The following RBMS3 variants were observed in gnomAD, a reference collection of about 807,000 sequenced individuals.
The protein encoded by RBMS3 is RNA-binding motif, single-stranded-interacting protein 3.
RBMS3 carries 27 observed loss-of-function variants against 66.8 expected under a neutral mutation model. The observed-to-expected ratio is 0.40, with a 90% CI of 0.30 to 0.56. The LOEUF (loss-of-function observed/expected upper bound fraction) is 0.56. RBMS3 is among the 20% of genes least tolerant of loss of function. The pLI is 0.40. For synonymous variants in RBMS3, 188 were observed against 183.0 expected (o/e 1.03, Z -0.22); for missense variants, 513 against 549.5 (o/e 0.93, Z 0.66).
intron 1 of RBMS3, among the ~76,000 whole-genome samples, chr3:29,282,028 T>A (rs1236544309): frequency 1.3e-5 from 2 of 152,192 alleles, no homozygotes; most frequent in African/African-American, 4.8e-5. Context: ...TAAATGGTCC[T>A]GATATCAGGA....
At chr3:29,345,958 C>G (rs2036546110) in intron 1 of RBMS3, among the ~76,000 whole-genome samples, 1 of 152,184 alleles carries the variant, frequency 6.6e-6, no homozygotes, top group African/African-American at 2.4e-5. Context: ...CAATGTCATT[C>G]TTCTTTTATC....
chr3:29,406,361 A>T (rs2040016763), intron 1 of RBMS3, among the ~76,000 whole-genome samples: 1 of 152,210 alleles, frequency 6.6e-6, no homozygotes, highest in South Asian at 2.1e-4. Flanking sequence ...GAGATTATTA[A>T]AAATGAAATC....
Position 29,530,871 on chromosome 3 carries a change from C to CA in RBMS3, c.307+42387dup, listed in dbSNP as rs5847575. On this transcript the variant is annotated intron_variant, in intron 3 of 14. Coordinates refer to ENST00000383767, the MANE Select transcript of RBMS3 (RefSeq NM_001003793.3). ...TGGGTGACAGTGCAAGATTCCATCT[C>CA]AAAAAAAAAAAAAAAGTGTTTCAAT... is the stretch of plus-strand genomic sequence containing the variant. Among the ~76,000 whole-genome samples the CA allele has an allele frequency of 9.2e-3, 977 of 106,700 alleles. 2 individuals are homozygous for CA. Among genetic ancestry groups the CA allele is most frequent in the South Asian group, 0.015 (49 of 3,240 alleles). The allele number at this position is 106,700 out of a possible 152,430, so 70.0% of individuals were successfully genotyped here.
intron 1 of RBMS3, among the ~76,000 whole-genome samples, chr3:29,419,917 T>C (rs2040632507): frequency 6.6e-6 from 1 of 152,194 alleles, no homozygotes; most frequent in Non-Finnish European, 1.5e-5. Flanking sequence ...TCATTACTAT[T>C]GTAGTTCATG....
At chr3:29,293,180 A>G (rs2032961739) in intron 1 of RBMS3, among the ~76,000 whole-genome samples, 1 of 151,814 alleles carries the variant, frequency 6.6e-6, no homozygotes, top group Admixed American at 6.6e-5. Context: ...CATTGGAATC[A>G]AGTTTTAAAG....
chr3:29,515,066 A>G (rs1190335905), intron 3 of RBMS3, among the ~76,000 whole-genome samples: 1 of 152,140 alleles, frequency 6.6e-6, no homozygotes, highest in African/African-American at 2.4e-5. Flanking sequence ...ATATGCTCTT[A>G]AGTACTATGC....
intron 6 of RBMS3, among the ~76,000 whole-genome samples, chr3:29,826,543 ACTGGGTGG>A (rs2058217376): frequency 6.6e-6 from 1 of 152,178 alleles, no homozygotes. Flanking sequence ...ACTACCACAA[ACTGGGTGG>A]CTTAAAACAA....
chr3:29,946,306 C>T (rs2149707700), intron 12 of RBMS3, among the ~76,000 whole-genome samples: 1 of 151,750 alleles, frequency 6.6e-6, no homozygotes. Flanking sequence ...CCAAATCTTC[C>T]AATATGTCAA....
chr3:29,622,374 T>C (rs1411077072), intron 4 of RBMS3, among the ~76,000 whole-genome samples: 1 of 152,168 alleles, frequency 6.6e-6, no homozygotes, highest in African/African-American at 2.4e-5. Flanking sequence ...AGAATACAGA[T>C]TGGAGGACAA....
chr3:29,605,349 ATGT>A (rs1157673881), intron 4 of RBMS3, among the ~76,000 whole-genome samples: 2 of 151,926 alleles, frequency 1.3e-5, no homozygotes, highest in South Asian at 2.1e-4. Flanking sequence ...TCCTCATGAA[ATGT>A]TGTACATTTC....
intron 12 of RBMS3, among the ~76,000 whole-genome samples, chr3:29,987,506 G>A (rs1001613358): frequency 3.9e-5 from 6 of 152,098 alleles, no homozygotes; most frequent in African/African-American, 1.4e-4. Flanking sequence ...GTGAATTAAA[G>A]GTATTGGAAA....
At chr3:29,343,485 CTAAT>C (rs1334684634) in intron 1 of RBMS3, among the ~76,000 whole-genome samples, 5 of 151,964 alleles carry the variant, frequency 3.3e-5, no homozygotes, top group Admixed American at 3.3e-4. Flanking sequence ...ACATATCTGT[CTAAT>C]TAATAGACTA....
chr3:29,598,850 G>A (rs2048051344), intron 4 of RBMS3, among the ~76,000 whole-genome samples: 1 of 151,554 alleles, frequency 6.6e-6, no homozygotes, highest in African/African-American at 2.4e-5. Context: ...TTTTTTAAAA[G>A]GAACAAAAAC....
chr3:29,520,668 C>T (rs975102245), intron 3 of RBMS3, among the ~76,000 whole-genome samples: 24 of 152,112 alleles, frequency 1.6e-4, no homozygotes, highest in African/African-American at 5.8e-4. Context: ...AACACATATG[C>T]ACTATATACA....
At chr3:29,719,870 C>T (rs577856574) in intron 4 of RBMS3, among the ~76,000 whole-genome samples, 21 of 152,142 alleles carry the variant, frequency 1.4e-4, no homozygotes, top group Non-Finnish European at 2.9e-4. Context: ...TCCATTACAA[C>T]AGCTTCCCAC....
chr3:29,374,731 C>A (rs1189759251), intron 1 of RBMS3, among the ~76,000 whole-genome samples: 1 of 152,060 alleles, frequency 6.6e-6, no homozygotes, highest in Non-Finnish European at 1.5e-5. Flanking sequence ...TGGGATGTAA[C>A]CTAATAAAAA....
chr3:29,521,347 CT>C (rs2044849516), intron 3 of RBMS3, among the ~76,000 whole-genome samples: 1 of 152,084 alleles, frequency 6.6e-6, no homozygotes, highest in African/African-American at 2.4e-5. Context: ...TTGTTGACAT[CT>C]CAAAAACTGA....
intron 6 of RBMS3, among the ~76,000 whole-genome samples, chr3:29,868,453 C>T (rs2059412734): frequency 6.6e-6 from 1 of 152,110 alleles, no homozygotes; most frequent in South Asian, 2.1e-4. Flanking sequence ...AGCTCCTAAT[C>T]ATCTTTCCAA....
intron 4 of RBMS3, among the ~76,000 whole-genome samples, chr3:29,629,991 A>G (rs1365732145): frequency 6.6e-6 from 1 of 152,120 alleles, no homozygotes; most frequent in Admixed American, 6.6e-5. Context: ...TGAAACAGAA[A>G]AAGATAGGAT....
Sources: gnomAD v4.1 joint callset for allele counts (sites outside exome capture counted in the v4.1 genomes callset) on GRCh38, gnomAD v4.1.1 for gene constraint, MANE v1.5 for transcripts, NCBI Gene and HGNC (gene_info 2026-07-23, HGNC 2026-07-21) for gene names.